CMIP: variants seen among roughly 807,000 people sequenced by gnomAD.
CMIP encodes c-Maf inducing protein.
CMIP carries 13 observed loss-of-function variants against 97.3 expected under a neutral mutation model. That is an observed-to-expected ratio of 0.13 (90% CI 0.09 to 0.21). The LOEUF (loss-of-function observed/expected upper bound fraction) is 0.21. CMIP is among the 10% of genes least tolerant of loss of function. The probability of loss-of-function intolerance (pLI) is 1.00; values close to 1 mark genes in which losing one functional copy is unlikely to be tolerated. For missense variants in CMIP, 847 were observed against 1,024.9 expected (o/e 0.83, Z 2.37); for synonymous variants, 538 against 436.3 (o/e 1.23, Z -2.91).
At chr16:81,569,064 T>C (rs144968774) in intron 1 of CMIP, among the ~76,000 whole-genome samples, 10 of 152,318 alleles carry the variant, frequency 6.6e-5, no homozygotes, top group African/African-American at 1.7e-4. Context: ...AATAAGATCG[T>C]ACATTTTACG....
At chr16:81,546,176 G>A (rs2090543066) in intron 1 of CMIP, among the ~76,000 whole-genome samples, 2 of 152,204 alleles carry the variant, frequency 1.3e-5, no homozygotes, top group African/African-American at 2.4e-5. Flanking sequence ...GCTGGGGCCA[G>A]GAGGCAGGGA....
chr16:81,525,255 T>C (rs2090108573), intron 1 of CMIP, among the ~76,000 whole-genome samples: 1 of 152,120 alleles, frequency 6.6e-6, no homozygotes, highest in Non-Finnish European at 1.5e-5. Context: ...GCGATTCTCA[T>C]GTCTCAGCCT....
At chr16:81,471,670 A>G (rs908968171) in intron 1 of CMIP, among the ~76,000 whole-genome samples, 2 of 152,258 alleles carry the variant, frequency 1.3e-5, no homozygotes, top group Non-Finnish European at 2.9e-5. Context: ...GGTGGAGAGT[A>G]CTGAACCCTA....
intron 1 of CMIP, among the ~76,000 whole-genome samples, chr16:81,468,453 G>C (rs1907335688): frequency 6.6e-6 from 1 of 152,266 alleles, no homozygotes; most frequent in Non-Finnish European, 1.5e-5. Context: ...GCACCTTGTA[G>C]GGTGAGAACG....
In CMIP at chr16:81,506,653, G is replaced by C. The variant is rs143319515; in HGVS notation, c.300+61112G>C. 3.1e-3 allele frequency among the ~76,000 whole-genome samples: 466 copies of C among 152,364 alleles called. 2 individuals are homozygous for C. The highest frequency in any genetic ancestry group is 0.011 in the African/African-American group (449 of 41,592). ...TTTGAGTTTGAAATGGCTCACTCAT[G>C]CCTGTAATCCCAGCACTCTGGGAGG... is the stretch of plus-strand genomic sequence containing the variant. On this transcript the variant is annotated intron_variant, in intron 1 of 20. Transcript: ENST00000537098.
Position 81,605,098 on chromosome 16 carries a change from C to T in CMIP, c.301-2469C>T, listed in dbSNP as rs533511633. ...AAGAAGTACAGAACCAACCACCAAG[C>T]CCTGGCTTCTCCGGCAGTGCTCAGG... On this transcript the variant is annotated intron_variant, in intron 1 of 20. Coordinates refer to ENST00000537098, the MANE Select transcript of CMIP (RefSeq NM_198390.3). 2.4e-4 allele frequency among the ~76,000 whole-genome samples: 37 copies of T among 152,296 alleles called. 1 individual carries two copies. In the South Asian group the frequency reaches 7.3e-3, roughly 30 times the overall value.
intron 1 of CMIP, chr16:81,518,016 T>C: frequency 2.1e-6 from 1 of 477,324 alleles, no homozygotes. Context: ...GCACTTCTCA[T>C]GCCCCCATGG....
chr16:81,577,849 C>T (rs1052961044), intron 1 of CMIP, among the ~76,000 whole-genome samples: 7 of 147,416 alleles, frequency 4.7e-5, no homozygotes, highest in African/African-American at 1.9e-4. Flanking sequence ...TCACCATCAC[C>T]ATCATCACCA....
At chr16:81,486,179 A>G (rs182439831) in intron 1 of CMIP, among the ~76,000 whole-genome samples, 137 of 152,366 alleles carry the variant, frequency 9.0e-4, no homozygotes, top group African/African-American at 3.1e-3. Flanking sequence ...GCTTAGGGGA[A>G]GAAAGGGAGG....
chr16:81,545,167 G>A (rs2090522170), intron 1 of CMIP, among the ~76,000 whole-genome samples: 1 of 152,058 alleles, frequency 6.6e-6, no homozygotes, highest in Admixed American at 6.5e-5. Context: ...ACTCTCCCAG[G>A]CCTGCCCTCC....
intron 1 of CMIP, among the ~76,000 whole-genome samples, chr16:81,599,501 A>G (rs901772813): frequency 1.3e-5 from 2 of 152,238 alleles, no homozygotes; most frequent in African/African-American, 4.8e-5. Flanking sequence ...TGCGTGGGGT[A>G]GCAACAGAAG....
chr16:81,612,480 G>A (rs887390172), intron 2 of CMIP, among the ~76,000 whole-genome samples: 2 of 152,120 alleles, frequency 1.3e-5, no homozygotes, highest in African/African-American at 4.8e-5. Flanking sequence ...GGACTTTTCC[G>A]GTCTGGAAAG....
chr16:81,664,507 G>T, intron 7 of CMIP, 158 bp downstream of exon 7: 2 of 615,736 alleles, frequency 3.2e-6, no homozygotes, highest in Non-Finnish European at 5.6e-6. Context: ...GACTTTTGGG[G>T]GTTTTGTACA....
chr16:81,667,699 C>T (rs1400943881), intron 7 of CMIP, among the ~76,000 whole-genome samples: 1 of 144,016 alleles, frequency 6.9e-6, no homozygotes, highest in African/African-American at 2.6e-5. Flanking sequence ...CAGCCCAAAG[C>T]CAGATTAAAT....
At chr16:81,625,478 T>C (rs10153053) in intron 3 of CMIP, among the ~76,000 whole-genome samples, 42,175 of 152,188 alleles carry the variant, frequency 0.28, 7,262 homozygotes, top group African/African-American at 0.49. Context: ...TGTCTGCACA[T>C]GAGGCTGTGA....
In CMIP at chr16:81,445,234, G is replaced by A; in HGVS notation, c.-8G>A. The A allele has an allele frequency of 6.6e-7, 1 of 1,510,248 alleles. No individual in the cohort carries two copies. Among genetic ancestry groups the A allele is most frequent in the Non-Finnish European group, 8.8e-7 (1 of 1,132,948 alleles). The allele number at this position is 1,510,248 out of a possible 1,614,324, so 93.6% of individuals were successfully genotyped here. On this transcript the variant is annotated 5_prime_UTR_variant, in exon 1 of 21. Coordinates refer to ENST00000537098, the MANE Select transcript of CMIP (RefSeq NM_198390.3). ...TCCCCGCCCCCAGCCCCCTCCCCCG[G>A]CGCGGCCATGGATGTGACCAGCAGC...
chr16:81,709,835 G>T lies in CMIP; in HGVS notation c.*36G>T, dbSNP rs561147247. 2.5e-6 allele frequency: 4 copies of T among 1,599,120 alleles called. No homozygotes were observed. The highest frequency in any genetic ancestry group is 3.4e-6 in the Non-Finnish European group (4 of 1,170,918). Reference sequence around the variant, plus strand: ...TCAAGGCAGGAAGACGTTTGCAACCGCGACAAAATAACTCTTGACTAACAG... The same window carrying T: ...TCAAGGCAGGAAGACGTTTGCAACCTCGACAAAATAACTCTTGACTAACAG... On this transcript the variant is annotated 3_prime_UTR_variant, in exon 21 of 21. Coordinates refer to ENST00000537098, the MANE Select transcript of CMIP (RefSeq NM_198390.3).
chr16:81,518,718 A>G (rs1357753529), intron 1 of CMIP: 1 of 152,198 alleles, frequency 6.6e-6, no homozygotes, highest in Non-Finnish European at 1.5e-5. Flanking sequence ...ATTAAAAAAT[A>G]TAAAAGGCCA....
At chr16:81,542,074 G>A (rs533397781) in intron 1 of CMIP, among the ~76,000 whole-genome samples, 3 of 152,216 alleles carry the variant, frequency 2.0e-5, no homozygotes, top group African/African-American at 4.8e-5. Flanking sequence ...GTCGATGGAT[G>A]TGAAGGCCCT....
Sources: allele counts gnomAD v4.1 joint callset (sites outside exome capture counted in the v4.1 genomes callset), GRCh38; gene constraint gnomAD v4.1.1; transcripts MANE v1.5; gene names NCBI Gene and HGNC (gene_info 2026-07-23, HGNC 2026-07-21).